ABCA4: variants seen among roughly 807,000 people sequenced by gnomAD.
ABCA4 encodes retinal-specific phospholipid-transporting ATPase ABCA4.
In ABCA4, 196 loss-of-function variants were observed where a neutral mutation model predicts 263.7. The observed-to-expected ratio is 0.74, with a 90% CI of 0.66 to 0.84. The LOEUF (loss-of-function observed/expected upper bound fraction) is 0.84. Among genes scored for constraint, ABCA4 ranks in the 40% least tolerant of loss-of-function variants. The pLI, the probability that ABCA4 is intolerant of heterozygous loss-of-function variation, is 0.00. For synonymous variants in ABCA4, 1,133 were observed against 1,094.2 expected, an observed-to-expected ratio of 1.04 and a Z score of -0.70; for missense variants, 2,792 against 2,855.1, an observed-to-expected ratio of 0.98 and a Z score of 0.50.
chr1:94,051,874 T>C (rs1660851346), intron 16 of ABCA4, among the ~76,000 whole-genome samples, 176 bp from the exon 17 acceptor site: 1 of 152,226 alleles, frequency 6.6e-6, no homozygotes, highest in African/African-American at 2.4e-5. Context: ...CCTTCCAACA[T>C]ATTTTTATCC....
Position 94,113,039 on chromosome 1 carries a change from G to A in ABCA4, c.94C>T (p.Pro32Ser). 1 of 1,614,114 alleles carries A rather than the reference G, an allele frequency of 6.2e-7. No homozygotes were observed. Among genetic ancestry groups the A allele is most frequent in the Non-Finnish European group, 8.5e-7 (1 of 1,180,010 alleles). The stretch of plus-strand genomic sequence containing the variant: ...ATCAAGACCAGAAATAAAGATAAAG[G>A]CCACACGAGTTCCACCACAAAGCGA... ...KIRFVVELVW[P>S]LSLFLVLIWL... The change falls in exon 2 of 50, where the codon CCT becomes TCT. Residue 32 changes from proline (P) to serine (S), a missense_variant. Coordinates refer to ENST00000370225, the MANE Select transcript of ABCA4 (RefSeq NM_000350.3).
chr1:94,007,388 G>T (rs926649459), intron 43 of ABCA4, among the ~76,000 whole-genome samples: 8 of 152,206 alleles, frequency 5.3e-5, no homozygotes, highest in African/African-American at 1.7e-4. Context: ...CACACTTAGT[G>T]CTTCCCAGGT....
intron 35 of ABCA4, among the ~76,000 whole-genome samples, chr1:94,021,033 C>T (rs1274883239): frequency 6.6e-6 from 1 of 152,222 alleles, no homozygotes; most frequent in Non-Finnish European, 1.5e-5. Context: ...ACTTACTTGC[C>T]ACATAAATGT....
At chr1:94,015,148 G>A (rs1324470530) in intron 37 of ABCA4, among the ~76,000 whole-genome samples, 1 of 152,176 alleles carries the variant, frequency 6.6e-6, no homozygotes, top group African/African-American at 2.4e-5. Context: ...GGCTCTACTG[G>A]CCCACAGAGG....
At chr1:93,997,349 C>T (rs187221919) in intron 48 of ABCA4, among the ~76,000 whole-genome samples, 1 of 152,164 alleles carries the variant, frequency 6.6e-6, no homozygotes, top group East Asian at 1.9e-4. Flanking sequence ...CCTTGACCTC[C>T]TGGGCTCCAG....
rs372604876 is a variant in ABCA4 at position 94,037,385 on chromosome 1, T to C, written c.3608-35A>G. 1.3e-5 allele frequency: 21 copies of C among 1,597,408 alleles called. No individual in the cohort carries two copies. In the African/African-American group the frequency reaches 2.1e-4, roughly 16 times the overall value. On this transcript the variant is annotated intron_variant, in intron 24 of 49. Transcript: ENST00000370225. Reference sequence around the variant, plus strand: ...GAAAAAAGACTGATGCCAGCTCTGTTTTCCAGAAACTGGAAGACTGTGAGG... The same window carrying C: ...GAAAAAAGACTGATGCCAGCTCTGTCTTCCAGAAACTGGAAGACTGTGAGG...
chr1:94,080,483 C>T lies in ABCA4; in HGVS notation c.1094G>A (p.Arg365Lys). ...RKDPIYSYDR[R>K]TTSFCNALIQ... ...GCAGGACTCAGAAAACTTACTTGTT[C>T]TTCTGTCATAAGAATAGATAGGATC... The change falls in exon 8 of 50, where the codon AGA becomes AAA. Residue 365 changes from arginine to lysine, a missense_variant. By Grantham distance (26) the Arg-to-Lys change is conservative. Transcript: ENST00000370225. The T allele has an allele frequency of 6.2e-7, 1 of 1,614,184 alleles. No individual in the cohort carries two copies. Among genetic ancestry groups the T allele is most frequent in the South Asian group, 1.1e-5 (1 of 91,062 alleles).
chr1:94,112,873 G>A (rs377726454), intron 2 of ABCA4, 100 bp downstream of exon 2: 7 of 834,378 alleles, frequency 8.4e-6, no homozygotes, highest in East Asian at 4.9e-5. Context: ...ATGATGATAA[G>A]CAGATCTGAT....
At position 94,019,662 on chromosome 1, in the gene ABCA4, C is replaced by T. The variant is rs1044818989; in HGVS notation, c.5116G>A (p.Val1706Met). 26 of 1,613,274 alleles carry T rather than the reference C, an allele frequency of 1.6e-5. No homozygotes were observed. The highest frequency in any genetic ancestry group is 2.1e-5 in the Non-Finnish European group (25 of 1,179,722). The change falls in exon 36 of 50, where the codon GTG (valine) becomes ATG (methionine). Residue 1706 changes from valine (V) to methionine (M), a missense_variant. Transcript: ENST00000370225. Reference sequence around the variant, plus strand: ...AACTGGAGGTGCTTGGATTTGTTCACCCGCTCCTGGATCAAATAAAGGACA... The same window carrying T: ...AACTGGAGGTGCTTGGATTTGTTCATCCGCTCCTGGATCAAATAAAGGACA... ...SFVLYLIQERVNKSKHLQFIS... is the reference protein window; with the variant it reads ...SFVLYLIQERMNKSKHLQFIS...
rs61749437 is a variant in ABCA4 at position 94,055,138 on chromosome 1, C to A, written c.2560G>T (p.Ala854Ser). 3 of 1,613,978 alleles carry A rather than the reference C, an allele frequency of 1.9e-6. No homozygotes were observed. The highest frequency in any genetic ancestry group is 1.7e-6 in the Non-Finnish European group (2 of 1,180,024). ...LLDAAVYGLL[A>S]WYLDQVFPGD... Reference sequence around the variant, plus strand: ...GGAAACACCTGATCAAGGTACCAAGCGAGTAAGCCATAGACAGCAGCATCA... The same window carrying A: ...GGAAACACCTGATCAAGGTACCAAGAGAGTAAGCCATAGACAGCAGCATCA... The change falls in exon 16 of 50, where the codon GCT (alanine) becomes TCT (serine). Residue 854 changes from alanine to serine, a missense_variant. Physicochemically the swap from Ala to Ser is moderately conservative, Grantham distance 99. Coordinates refer to ENST00000370225, the MANE Select transcript of ABCA4 (RefSeq NM_000350.3).
In ABCA4 at chr1:94,080,579, C is replaced by T. The variant is rs142231757; in HGVS notation, c.998G>A (p.Arg333Gln). 42 of 1,613,978 alleles carry T rather than the reference C, an allele frequency of 2.6e-5. No individual in the cohort carries two copies. In the East Asian group the frequency reaches 3.3e-4, roughly 13 times the overall value. ...TTCATACCAGTTGAAGGAGAGCACC[C>T]GAGAGCCACCTCCCTCGGGGTAGCC... ...LCGYPEGGGS[R>Q]VLSFNWYEDN... The change falls in exon 8 of 50, where the codon CGG (arginine) becomes CAG (glutamine). Residue 333 changes from arginine (R) to glutamine (Q), a missense_variant. By Grantham distance (43) the Arg-to-Gln change is conservative. Coordinates refer to ENST00000370225, the MANE Select transcript of ABCA4 (RefSeq NM_000350.3).
intron 4 of ABCA4, among the ~76,000 whole-genome samples, chr1:94,108,007 C>T (rs1662489739): frequency 1.3e-5 from 2 of 152,188 alleles, no homozygotes; most frequent in South Asian, 4.1e-4. Flanking sequence ...CAGCCCGCTG[C>T]CTGTTGACCT....
At chr1:94,028,781 A>G (rs1571262677) in intron 30 of ABCA4, among the ~76,000 whole-genome samples, 1 of 151,892 alleles carries the variant, frequency 6.6e-6, no homozygotes, top group African/African-American at 2.4e-5. Context: ...ATGATGGTGC[A>G]TGCCTGTAAT....
At chr1:94,116,312 G>A (rs1049865300) in intron 1 of ABCA4, among the ~76,000 whole-genome samples, 5 of 151,894 alleles carry the variant, frequency 3.3e-5, no homozygotes, top group East Asian at 3.9e-4. Flanking sequence ...TGTTGATTAG[G>A]TCAGCACTTC....
chr1:94,001,643 A>C (rs141559807), intron 45 of ABCA4: 1,137 of 728,350 alleles, frequency 1.6e-3, no homozygotes, highest in Non-Finnish European at 2.6e-3. Context: ...GGATGTGCGC[A>C]GTCCCAAGTC....
intron 17 of ABCA4, 86 bp from the exon 18 acceptor site, chr1:94,049,043 C>A (rs1029018607): frequency 1.5e-6 from 2 of 1,339,238 alleles, no homozygotes; most frequent in Non-Finnish European, 2.1e-6. Flanking sequence ...GTACAGGGAG[C>A]AAATGAGTTT....
intron 31 of ABCA4, among the ~76,000 whole-genome samples, chr1:94,024,236 G>A (rs926597437): frequency 9.2e-5 from 14 of 152,114 alleles, no homozygotes; most frequent in African/African-American, 2.7e-4. Flanking sequence ...GAGCCTGTGC[G>A]GACTGGACCA....
At chr1:94,112,231 C>T (rs1309257208) in intron 2 of ABCA4, among the ~76,000 whole-genome samples, 2 of 152,204 alleles carry the variant, frequency 1.3e-5, no homozygotes, top group African/African-American at 4.8e-5. Flanking sequence ...TTCAGGTCTG[C>T]AGACACCTCA....
In ABCA4 at chr1:94,034,828, A is replaced by T. The variant is rs562419850; in HGVS notation, c.3862+1912T>A. Among the ~76,000 whole-genome samples, 32 of 152,262 alleles carry T rather than the reference A, an allele frequency of 2.1e-4. 1 individual carries two copies. The highest frequency in any genetic ancestry group is 1.5e-3 in the Admixed American group (23 of 15,298). On this transcript the variant is annotated intron_variant, in intron 26 of 49. Coordinates refer to ENST00000370225, the MANE Select transcript of ABCA4 (RefSeq NM_000350.3). The stretch of plus-strand genomic sequence containing the variant: ...GATGTTAAGTGCTTTGAGGTAAGAG[A>T]TGGTTTGTAAACATTTAGTTTAGAG...
Sources: allele counts gnomAD v4.1 joint callset (sites outside exome capture counted in the v4.1 genomes callset), GRCh38; gene constraint gnomAD v4.1.1; transcripts MANE v1.5; gene names NCBI Gene and HGNC (gene_info 2026-07-23, HGNC 2026-07-21).